BEND7: variants seen among roughly 807,000 people sequenced by gnomAD.
BEND7 encodes BEN domain-containing protein 7.
In BEND7, 28 loss-of-function variants were observed where a neutral mutation model predicts 50.9. That is an observed-to-expected ratio of 0.55 (90% confidence interval 0.41 to 0.75). The LOEUF (loss-of-function observed/expected upper bound fraction) is 0.75, where lower values mean the gene tolerates loss of function less well. Among genes scored for constraint, BEND7 ranks in the 30% least tolerant of loss-of-function variants. BEND7 has a pLI of 0.00. For synonymous variants in BEND7, 170 were observed against 183.9 expected (o/e 0.92, Z 0.61); for missense variants, 477 against 491.3 (o/e 0.97, Z 0.28).
chr10:13,465,756 G>A (rs2074180157), intron 6 of BEND7, among the ~76,000 whole-genome samples: 2 of 152,080 alleles, frequency 1.3e-5, no homozygotes, highest in African/African-American at 4.8e-5. Context: ...ATGACAGTCA[G>A]GAGTGAATCT....
At chr10:13,519,564 G>A (rs1192329620) in intron 2 of BEND7, among the ~76,000 whole-genome samples, 1 of 152,158 alleles carries the variant, frequency 6.6e-6, no homozygotes, top group Non-Finnish European at 1.5e-5. Flanking sequence ...GAAATACAGT[G>A]TTTTCCAGTT....
chr10:13,491,551 CAAGT>C lies in BEND7; in HGVS notation c.837+1056_837+1059del, dbSNP rs542665596. Among the ~76,000 whole-genome samples, 6 of 149,432 alleles carry C rather than the reference CAAGT, an allele frequency of 4.0e-5. No homozygotes were observed. The South Asian group carries it at 1.3e-3, about 32-fold the overall frequency. ...TAGATGAACTTCTTAACAATTGTAGCAAGTGTTTATAGATTTCAAAAAAAAAAAA... is the reference window on the plus strand; with the variant it reads ...TAGATGAACTTCTTAACAATTGTAGCGTTTATAGATTTCAAAAAAAAAAAA... On this transcript the variant is annotated intron_variant, in intron 5 of 8. Coordinates refer to ENST00000466271, the MANE Select transcript of BEND7 (RefSeq NM_001369863.1).
chr10:13,438,976 C>T (rs138659251), downstream of BEND7: 229 of 580,952 alleles, frequency 3.9e-4, no homozygotes, highest in African/African-American at 3.9e-3. Context: ...TCACTGTCGT[C>T]AGAATGACTC....
chr10:13,481,879 C>T (rs2075886067), intron 5 of BEND7, among the ~76,000 whole-genome samples: 1 of 152,218 alleles, frequency 6.6e-6, no homozygotes, highest in Non-Finnish European at 1.5e-5. Context: ...TCCAAGGTGC[C>T]TTTCAACTTG....
At chr10:13,492,110 C>T (rs558310598) in intron 5 of BEND7, among the ~76,000 whole-genome samples, 1 of 152,082 alleles carries the variant, frequency 6.6e-6, no homozygotes, top group African/African-American at 2.4e-5. Context: ...AGAGCCTTAA[C>T]CTATCATTAC....
chr10:13,461,791 G>C (rs1308286555), intron 6 of BEND7, among the ~76,000 whole-genome samples: 1 of 152,070 alleles, frequency 6.6e-6, no homozygotes, highest in African/African-American at 2.4e-5. Context: ...ATCTGAGGTT[G>C]CACCATTGCA....
At chr10:13,502,907 A>T (rs1335668698) in intron 2 of BEND7, 4 of 985,410 alleles carry the variant, frequency 4.1e-6, no homozygotes, top group Non-Finnish European at 4.8e-6. Context: ...ACTAACTGAC[A>T]CATCACAGGA....
intron 6 of BEND7, among the ~76,000 whole-genome samples, chr10:13,472,427 C>T (rs938550267): frequency 7.3e-5 from 11 of 151,644 alleles, no homozygotes; most frequent in African/African-American, 7.3e-5. Flanking sequence ...CTGTTAAACT[C>T]GGGGCTGATA....
intron 4 of BEND7, among the ~76,000 whole-genome samples, chr10:13,495,033 G>A (rs960745633): frequency 2.0e-5 from 3 of 152,210 alleles, no homozygotes; most frequent in African/African-American, 7.2e-5. Flanking sequence ...TAGCGACAAA[G>A]TGGCATTTAC....
chr10:13,527,465 A>G (rs1319930966), intron 1 of BEND7, among the ~76,000 whole-genome samples: 1 of 152,220 alleles, frequency 6.6e-6, no homozygotes. Context: ...ACTAATTTTC[A>G]TCAGTTTACA....
At chr10:13,462,640 A>T (rs965252877) in intron 6 of BEND7, among the ~76,000 whole-genome samples, 9 of 152,174 alleles carry the variant, frequency 5.9e-5, no homozygotes, top group African/African-American at 1.9e-4. Context: ...TAGACATGAG[A>T]GATGGAAATA....
chr10:13,488,781 C>T (rs1588905909), intron 5 of BEND7, among the ~76,000 whole-genome samples: 3 of 152,334 alleles, frequency 2.0e-5, no homozygotes, highest in African/African-American at 7.2e-5. Context: ...GCCACCGCGC[C>T]CGGCCTAAAT....
intron 2 of BEND7, among the ~76,000 whole-genome samples, chr10:13,519,069 G>A (rs897458520): frequency 6.6e-6 from 1 of 152,216 alleles, no homozygotes; most frequent in Admixed American, 6.5e-5. Flanking sequence ...TCTGCAGGGT[G>A]ACTTGAGCAC....
intron 5 of BEND7, among the ~76,000 whole-genome samples, chr10:13,484,322 GAAGAA>G (rs1360251347): frequency 6.6e-6 from 1 of 152,222 alleles, no homozygotes; most frequent in Non-Finnish European, 1.5e-5. Context: ...TCTGAAACAT[GAAGAA>G]AAGATGACGT....
chr10:13,444,677 T>C (rs1337590791), intron 8 of BEND7: 1 of 152,190 alleles, frequency 6.6e-6, no homozygotes, highest in Admixed American at 6.5e-5. Flanking sequence ...GGAGGGGTGT[T>C]AGGAGCAGCA....
At chr10:13,450,827 G>A (rs964862497) in intron 7 of BEND7, among the ~76,000 whole-genome samples, 1 of 152,052 alleles carries the variant, frequency 6.6e-6, no homozygotes, top group African/African-American at 2.4e-5. Context: ...TGTAGAAGTG[G>A]GCAAACCTGG....
chr10:13,443,515 T>TG (rs1164845103), intron 8 of BEND7: 5 of 152,626 alleles, frequency 3.3e-5, no homozygotes, highest in Non-Finnish European at 7.3e-5. Context: ...AACAATTTAC[T>TG]GGGGAGGTGT....
At position 13,441,768 on chromosome 10, in the gene BEND7, A is replaced by G. The variant is rs757519151; in HGVS notation, c.1235-18T>C. On this transcript the variant is annotated intron_variant, in intron 8 of 8. Transcript: ENST00000466271. ...TCAGACCACTTGAGAAAACAAAGGG[A>G]CTGTTGTCAGGAACGGGATTACTTA... The G allele has an allele frequency of 4.3e-6, 7 of 1,613,032 alleles. No homozygotes were observed. The highest frequency in any genetic ancestry group is 1.6e-4 in the Middle Eastern group (1 of 6,082).
At chr10:13,465,639 T>A (rs1011138389) in intron 6 of BEND7, among the ~76,000 whole-genome samples, 1 of 152,214 alleles carries the variant, frequency 6.6e-6, no homozygotes, top group Non-Finnish European at 1.5e-5. Flanking sequence ...AACCACAGAA[T>A]CTCTGACCTG....
Sources: gnomAD v4.1 joint callset for allele counts (sites outside exome capture counted in the v4.1 genomes callset) on GRCh38, gnomAD v4.1.1 for gene constraint, MANE v1.5 for transcripts, NCBI Gene and HGNC (gene_info 2026-07-23, HGNC 2026-07-21) for gene names.